CDIN1: variants seen among roughly 807,000 people sequenced by gnomAD.
CDIN1 encodes the protein CDAN1-interacting nuclease 1.
Under a neutral mutation model 45.3 loss-of-function variants are expected in CDIN1, and 33 were observed. The ratio of observed to expected loss-of-function variants is 0.73; its 90% CI spans 0.55 to 0.97. CDIN1 has a LOEUF of 0.97. Among genes scored for constraint, CDIN1 ranks in the 50% least tolerant of loss-of-function variants. The pLI, the probability that CDIN1 is intolerant of heterozygous loss-of-function variation, is 0.00. For missense variants in CDIN1, 303 were observed against 339.4 expected (o/e 0.89, Z 0.84); for synonymous variants, 118 against 124.4 (o/e 0.95, Z 0.34).
At chr15:36,689,384 C>T (rs529642956) in intron 5 of CDIN1, among the ~76,000 whole-genome samples, 6 of 152,164 alleles carry the variant, frequency 3.9e-5, no homozygotes, top group East Asian at 1.9e-4. Context: ...TATAGGATAG[C>T]GTTCTTAGTC....
chr15:36,719,184 AC>A, intron 10 of CDIN1, among the ~76,000 whole-genome samples: 1 of 152,174 alleles, frequency 6.6e-6, no homozygotes, highest in East Asian at 1.9e-4. Context: ...ATCATACCAC[AC>A]TGCACACTAG....
At chr15:36,797,850 CAT>C (rs2054860450) in intron 10 of CDIN1, among the ~76,000 whole-genome samples, 4 of 151,626 alleles carry the variant, frequency 2.6e-5, no homozygotes, top group South Asian at 2.1e-4. Flanking sequence ...CATGGTGGTG[CAT>C]GCCTGTAGTC....
chr15:36,708,353 T>TTGAA (rs2042941609), intron 8 of CDIN1: 1 of 152,114 alleles, frequency 6.6e-6, no homozygotes, highest in Non-Finnish European at 1.5e-5. Flanking sequence ...ATGTCTGGAA[T>TTGAA]TGAATGACCA....
chr15:36,670,174 A>C (rs893850218), intron 5 of CDIN1, among the ~76,000 whole-genome samples: 4 of 152,198 alleles, frequency 2.6e-5, no homozygotes, highest in East Asian at 1.9e-4. Flanking sequence ...ACTTTTATTT[A>C]GATTTAGAAC....
At chr15:36,619,607 T>C (rs541766982) in intron 1 of CDIN1, among the ~76,000 whole-genome samples, 1 of 152,088 alleles carries the variant, frequency 6.6e-6, no homozygotes, top group East Asian at 1.9e-4. Context: ...GGAATCAATT[T>C]TGAGGGTTCA....
chr15:36,752,150 G>A (rs1461602252), intron 10 of CDIN1, among the ~76,000 whole-genome samples: 1 of 152,086 alleles, frequency 6.6e-6, no homozygotes, highest in Non-Finnish European at 1.5e-5. Flanking sequence ...CCCAGAACTC[G>A]AAATAAAAGT....
intron 10 of CDIN1, among the ~76,000 whole-genome samples, chr15:36,714,263 CTG>C (rs2043149080): frequency 1.3e-5 from 2 of 152,042 alleles, no homozygotes; most frequent in South Asian, 2.1e-4. Flanking sequence ...CAGAAAATAA[CTG>C]AGAACTAAAT....
In CDIN1 at chr15:36,751,271, G is replaced by C. The variant is rs1226287479; in HGVS notation, c.716+41310G>C. On this transcript the variant is annotated intron_variant, in intron 10 of 10. Coordinates refer to ENST00000566621, the MANE Select transcript of CDIN1 (RefSeq NM_001321759.2). Reference sequence around the variant, plus strand: ...TATATATATATATATGGCACTAATAGAGTTAAAAATAGGCATACATATGGT... The same window carrying C: ...TATATATATATATATGGCACTAATACAGTTAAAAATAGGCATACATATGGT... Among the ~76,000 whole-genome samples the C allele has an allele frequency of 1.4e-4, 13 of 94,088 alleles. No individual in the cohort carries two copies. The East Asian group carries it at 5.5e-3, about 40-fold the overall frequency. The allele number at this position is 94,088 out of a possible 152,430, so 61.7% of individuals were successfully genotyped here.
At chr15:36,666,358 G>A (rs1283683800) in intron 5 of CDIN1, among the ~76,000 whole-genome samples, 3 of 152,140 alleles carry the variant, frequency 2.0e-5, no homozygotes, top group Non-Finnish European at 4.4e-5. Context: ...TTACAGCTAA[G>A]TTGATTAGCC....
At chr15:36,725,107 A>G (rs1186695824) in intron 10 of CDIN1, among the ~76,000 whole-genome samples, 2 of 152,020 alleles carry the variant, frequency 1.3e-5, no homozygotes, top group African/African-American at 4.8e-5. Context: ...TTTTGACACA[A>G]CGGTACAATG....
At chr15:36,646,993 G>T (rs549668787) in intron 3 of CDIN1, among the ~76,000 whole-genome samples, 1 of 151,216 alleles carries the variant, frequency 6.6e-6, no homozygotes, top group African/African-American at 2.4e-5. Flanking sequence ...TGGATTATCT[G>T]GGTAGTATAG....
intron 1 of CDIN1, among the ~76,000 whole-genome samples, chr15:36,600,938 T>G (rs2038066738): frequency 6.6e-6 from 1 of 152,218 alleles, no homozygotes; most frequent in African/African-American, 2.4e-5. Flanking sequence ...TTTCAATGGT[T>G]AATTCTAAGT....
intron 10 of CDIN1, among the ~76,000 whole-genome samples, chr15:36,720,544 C>T (rs1389777028): frequency 6.6e-6 from 1 of 150,498 alleles, no homozygotes; most frequent in South Asian, 2.1e-4. Flanking sequence ...TTTCTGTCCT[C>T]GTGATAGTTT....
chr15:36,726,045 T>C lies in CDIN1; in HGVS notation c.716+16084T>C, dbSNP rs531533683. 3.5e-4 allele frequency among the ~76,000 whole-genome samples: 53 copies of C among 152,342 alleles called. 1 individual carries two copies. The South Asian group carries it at 9.9e-3, about 29-fold the overall frequency. ...GTATTCAAGTATTTCAGTGGTTTTGTTTCCAAATGTGATAACTGTCTACTA... is the reference window on the plus strand; with the variant it reads ...GTATTCAAGTATTTCAGTGGTTTTGCTTCCAAATGTGATAACTGTCTACTA... On this transcript the variant is annotated intron_variant, in intron 10 of 10. Transcript: ENST00000566621.
At chr15:36,589,681 T>C (rs1477344218) in intron 1 of CDIN1, among the ~76,000 whole-genome samples, 1 of 152,122 alleles carries the variant, frequency 6.6e-6, no homozygotes, top group Non-Finnish European at 1.5e-5. Flanking sequence ...AATTTTTGTA[T>C]TTTTAGTAGA....
In CDIN1 at chr15:36,792,608, G is replaced by C. The variant is rs555132660; in HGVS notation, c.717-15716G>C. Among the ~76,000 whole-genome samples the C allele has an allele frequency of 3.3e-5, 5 of 151,946 alleles. No individual in the cohort carries two copies. In the South Asian group the frequency reaches 6.3e-4, roughly 19 times the overall value. ...ATGAAGTGGAAATGAGGTGGGGCTG[G>C]GGGGGAGGGTGGATTTGTTTTAATG... On this transcript the variant is annotated intron_variant, in intron 10 of 10. Transcript: ENST00000566621.
intron 10 of CDIN1, among the ~76,000 whole-genome samples, chr15:36,778,679 G>C (rs1397168210): frequency 6.6e-6 from 1 of 152,174 alleles, no homozygotes; most frequent in East Asian, 1.9e-4. Flanking sequence ...TTTAGGGGTG[G>C]GAGGGGAGAA....
At chr15:36,669,504 C>A (rs1170134145) in intron 5 of CDIN1, among the ~76,000 whole-genome samples, 1 of 152,060 alleles carries the variant, frequency 6.6e-6, no homozygotes, top group African/African-American at 2.4e-5. Context: ...CTATATCCAT[C>A]ACTCAGTTTT....
intron 10 of CDIN1, chr15:36,798,809 A>G (rs1012084450): frequency 2.0e-5 from 3 of 152,196 alleles, no homozygotes; most frequent in Admixed American, 1.3e-4. Flanking sequence ...AGATTTATGT[A>G]GTCTTTTCCA....
Sources: allele counts gnomAD v4.1 joint callset (sites outside exome capture counted in the v4.1 genomes callset), GRCh38; gene constraint gnomAD v4.1.1; transcripts MANE v1.5; gene names NCBI Gene and HGNC (gene_info 2026-07-23, HGNC 2026-07-21).